Variants in L2HGDH observed in about 807,000 individuals in gnomAD.
L2HGDH encodes the protein L-2-hydroxyglutarate dehydrogenase.
A neutral mutation model predicts 51.5 loss-of-function variants in L2HGDH; 34 were observed. The ratio of observed to expected loss-of-function variants is 0.66; its 90% CI spans 0.50 to 0.88. The LOEUF (loss-of-function observed/expected upper bound fraction) is 0.88. Among genes scored for constraint, L2HGDH ranks in the 40% least tolerant of loss-of-function variants. The pLI is 0.00. For synonymous variants in L2HGDH, 198 were observed against 197.9 expected (o/e 1.00, Z -0.01); for missense variants, 558 against 571.9 (o/e 0.98, Z 0.25).
intron 1 of L2HGDH, among the ~76,000 whole-genome samples, chr14:50,306,570 G>GT (rs113886089): frequency 3.0e-5 from 4 of 134,580 alleles, no homozygotes; most frequent in Non-Finnish European, 6.4e-5. Flanking sequence ...GCTGCCTTTT[G>GT]TTTTTTTTGG....
chr14:50,262,256 CCT>C (rs1361883703), intron 9 of L2HGDH, among the ~76,000 whole-genome samples: 1 of 151,718 alleles, frequency 6.6e-6, no homozygotes, highest in Non-Finnish European at 1.5e-5. Flanking sequence ...TCTATGAAAC[CCT>C]GTCTCTATTA....
chr14:50,267,693 A>G, intron 8 of L2HGDH, 60 bp downstream of exon 8: 1 of 1,358,340 alleles, frequency 7.4e-7, no homozygotes, highest in East Asian at 2.5e-5. Flanking sequence ...AAGAAAGACA[A>G]AACTTCCCAC....
intron 6 of L2HGDH, among the ~76,000 whole-genome samples, chr14:50,272,520 T>C (rs893932435): frequency 1.2e-4 from 18 of 152,142 alleles, no homozygotes; most frequent in African/African-American, 4.1e-4. Flanking sequence ...CACAGAACTT[T>C]AGGGTTTTTG....
intron 2 of L2HGDH, 130 bp downstream of exon 2, chr14:50,302,772 T>G (rs556310510): frequency 1.4e-6 from 1 of 740,506 alleles, no homozygotes; most frequent in African/African-American, 1.7e-5. Context: ...AGCCATGTCC[T>G]TGTCCCACAC....
chr14:50,261,577 G>A (rs1440529193), intron 9 of L2HGDH, among the ~76,000 whole-genome samples: 2 of 151,914 alleles, frequency 1.3e-5, no homozygotes, highest in Non-Finnish European at 2.9e-5. Context: ...CAGCATCCTG[G>A]GCTCAAGGGA....
chr14:50,255,887 C>G (rs926360938), intron 9 of L2HGDH, among the ~76,000 whole-genome samples: 33 of 151,794 alleles, frequency 2.2e-4, no homozygotes, highest in Middle Eastern at 3.5e-3. Context: ...AATTAGCCAG[C>G]CATCATGGCA....
At position 50,243,564 on chromosome 14, in the gene L2HGDH, A is replaced by G. The variant is rs1156485147; in HGVS notation, c.*3494T>C. 3 of 778,640 alleles carry G rather than the reference A, an allele frequency of 3.9e-6. No homozygotes were observed. In the African/African-American group the frequency reaches 5.6e-5, roughly 15 times the overall value. 48.2% of individuals were successfully genotyped at this position (778,640 alleles called of 1,614,324 possible). A position where few individuals can be genotyped will look rare whatever the true frequency, so the allele number is the denominator to read the frequency against. On this transcript the variant is annotated 3_prime_UTR_variant, in exon 10 of 10. Transcript: ENST00000267436. ...TTTATTATATCAGTATTAAACAAAA[A>G]AACCCTATTGACATACATATAAAAC... is the stretch of plus-strand genomic sequence containing the variant.
chr14:50,272,777 T>C (rs1595095904), intron 6 of L2HGDH, among the ~76,000 whole-genome samples: 2 of 152,188 alleles, frequency 1.3e-5, no homozygotes, highest in South Asian at 4.1e-4. Context: ...AAGAGGCAAG[T>C]GGTTCAAATT....
chr14:50,302,203 C>T (rs1241003358), intron 2 of L2HGDH, 35 bp from the exon 3 acceptor site: 27 of 1,607,352 alleles, frequency 1.7e-5, no homozygotes, highest in Non-Finnish European at 2.3e-5. Context: ...AGAGTAAGTA[C>T]ATGATTCATA....
intron 1 of L2HGDH, among the ~76,000 whole-genome samples, chr14:50,310,280 G>C (rs1323494291): frequency 3.3e-5 from 5 of 151,134 alleles, no homozygotes. Flanking sequence ...ATTTTGCCCA[G>C]GCTGGTCTCA....
chr14:50,311,143 T>G, intron 1 of L2HGDH: 1 of 341,858 alleles, frequency 2.9e-6, no homozygotes, highest in East Asian at 7.4e-5. Flanking sequence ...GGTTTCACCA[T>G]GTTGGTTAGG....
At chr14:50,285,472 T>C (rs1239233903) in intron 4 of L2HGDH, among the ~76,000 whole-genome samples, 1 of 152,218 alleles carries the variant, frequency 6.6e-6, no homozygotes, top group Non-Finnish European at 1.5e-5. Context: ...TCAGTAAACA[T>C]AAGACCTAGT....
At position 50,246,968 on chromosome 14, in the gene L2HGDH, T is replaced by C; in HGVS notation, c.*90A>G. 6.7e-7 allele frequency: 1 copy of C among 1,499,240 alleles called. No individual in the cohort carries two copies. The highest frequency in any genetic ancestry group is 9.0e-7 in the Non-Finnish European group (1 of 1,112,034). 92.9% of individuals were successfully genotyped at this position (1,499,240 alleles called of 1,614,324 possible). ...TATCTTTGACCTAAAAACTAAAGTT[T>C]AAAAACCATTTTTTAAATTAAAGAA... is the stretch of plus-strand genomic sequence containing the variant. On this transcript the variant is annotated 3_prime_UTR_variant, in exon 10 of 10. Transcript: ENST00000267436.
chr14:50,306,861 G>A (rs1453403743), intron 1 of L2HGDH, among the ~76,000 whole-genome samples: 2 of 152,018 alleles, frequency 1.3e-5, no homozygotes, highest in East Asian at 3.9e-4. Flanking sequence ...TATTGCCTAG[G>A]TTGGAGTGTA....
intron 3 of L2HGDH, among the ~76,000 whole-genome samples, chr14:50,298,500 A>G (rs551072054): frequency 9.1e-4 from 138 of 152,004 alleles, no homozygotes; most frequent in Admixed American, 2.1e-3. Flanking sequence ...TTTTTAGTAG[A>G]GATGGGGTTT....
intron 4 of L2HGDH, among the ~76,000 whole-genome samples, chr14:50,284,552 T>C (rs1423687157): frequency 2.0e-5 from 3 of 152,274 alleles, no homozygotes; most frequent in African/African-American, 7.2e-5. Context: ...TGTAGATGAA[T>C]GACCTATATA....
intron 9 of L2HGDH, among the ~76,000 whole-genome samples, chr14:50,260,651 A>G (rs1408843087): frequency 6.6e-6 from 1 of 152,144 alleles, no homozygotes; most frequent in Non-Finnish European, 1.5e-5. Context: ...GATGTTTATC[A>G]TATTTCCTCC....
At chr14:50,265,964 C>G (rs1889310511) in intron 8 of L2HGDH, among the ~76,000 whole-genome samples, 1 of 151,920 alleles carries the variant, frequency 6.6e-6, no homozygotes, top group Non-Finnish European at 1.5e-5. Flanking sequence ...TGGCCAATAT[C>G]AGAAGAAAAC....
At chr14:50,250,215 T>C (rs1268121310) in intron 9 of L2HGDH, among the ~76,000 whole-genome samples, 2 of 152,232 alleles carry the variant, frequency 1.3e-5, no homozygotes, top group African/African-American at 4.8e-5. Flanking sequence ...GCCAACACTC[T>C]TGGACGGCAT....
Sources: allele counts gnomAD v4.1 joint callset (sites outside exome capture counted in the v4.1 genomes callset), GRCh38; gene constraint gnomAD v4.1.1; transcripts MANE v1.5; gene names NCBI Gene and HGNC (gene_info 2026-07-23, HGNC 2026-07-21).